PGM3: variants seen among roughly 807,000 people sequenced by gnomAD.
The protein encoded by PGM3 is phosphoglucomutase 3.
In PGM3, 40 loss-of-function variants were observed where a neutral mutation model predicts 66.2. That is an observed-to-expected ratio of 0.60 (90% CI 0.47 to 0.79). PGM3 has a LOEUF of 0.79. Among genes scored for constraint, PGM3 ranks in the 30% least tolerant of loss-of-function variants. PGM3 has a pLI of 0.00. For synonymous variants in PGM3, 191 were observed against 224.2 expected (o/e 0.85, Z 1.32); for missense variants, 537 against 643.4 (o/e 0.83, Z 1.79).
At chr6:83,170,588 A>G (rs1786886111) in intron 11 of PGM3, 110 bp from the exon 12 acceptor site, 4 of 836,020 alleles carry the variant, frequency 4.8e-6, no homozygotes, top group Non-Finnish European at 7.5e-6. Flanking sequence ...AAATTACATT[A>G]AAACTTCTTT....
the PGM3 span, chr6:83,153,718 G>A: frequency 1.0e-5 from 12 of 1,198,452 alleles, no homozygotes; most frequent in Non-Finnish European, 1.3e-5. Flanking sequence ...TCATAAAATG[G>A]CATTTTTACC....
downstream of PGM3, among the ~76,000 whole-genome samples, chr6:83,159,028 T>C (rs2128399129): frequency 6.6e-6 from 1 of 152,310 alleles, no homozygotes; most frequent in Admixed American, 6.5e-5. Flanking sequence ...TTCTTTTTAA[T>C]AGAGGCAGTT....
Position 83,172,960 on chromosome 6 carries a change from A to G in PGM3, c.1243-901T>C, listed in dbSNP as rs1274031110. Among the ~76,000 whole-genome samples, 3 of 152,330 alleles carry G rather than the reference A, an allele frequency of 2.0e-5. No homozygotes were observed. The East Asian group carries it at 5.8e-4, about 29-fold the overall frequency. On this transcript the variant is annotated intron_variant, in intron 10 of 12. Transcript: ENST00000513973. Reference sequence around the variant, plus strand: ...GACAGAGTGACACCTTTGCTTTCTGATGGTTCAGTAGACACAAACTTTGTT... The same window carrying G: ...GACAGAGTGACACCTTTGCTTTCTGGTGGTTCAGTAGACACAAACTTTGTT...
intron 9 of PGM3, among the ~76,000 whole-genome samples, chr6:83,174,832 C>G (rs527879291): frequency 1.3e-5 from 2 of 152,288 alleles, no homozygotes; most frequent in Non-Finnish European, 2.9e-5. Flanking sequence ...TTACTTAGAG[C>G]CTGTCTGTAT....
downstream of PGM3, among the ~76,000 whole-genome samples, chr6:83,163,900 G>T (rs924138467): frequency 2.0e-5 from 3 of 151,594 alleles, no homozygotes; most frequent in African/African-American, 7.3e-5. Flanking sequence ...GTAAAATATT[G>T]TCTTATATAC....
At position 83,181,913 on chromosome 6, in the gene PGM3, C is replaced by T. The variant is rs1788203766; in HGVS notation, c.610G>A (p.Glu204Lys). ...LTKQASCSGD[E>K]YRSLKVDCAN... ...CAGTCAACCTTAAGTGATCTGTATTCATCTCCACTGCAAGAAGCCTACAAA... is the reference window on the plus strand; with the variant it reads ...CAGTCAACCTTAAGTGATCTGTATTTATCTCCACTGCAAGAAGCCTACAAA... Residue 204 changes from glutamate to lysine, a missense_variant, in exon 6 of 13, where the codon GAA becomes AAA. By Grantham distance (56) the Glu-to-Lys change is moderately conservative (BLOSUM62 1). Transcript: ENST00000513973. 6.3e-7 allele frequency: 1 copy of T among 1,598,480 alleles called. No homozygotes were observed. Among genetic ancestry groups the T allele is most frequent in the Non-Finnish European group, 8.5e-7 (1 of 1,175,658 alleles).
chr6:83,170,156 A>T, intron 12 of PGM3, 149 bp downstream of exon 12: 1 of 663,502 alleles, frequency 1.5e-6, no homozygotes, highest in Non-Finnish European at 2.5e-6. Flanking sequence ...ACTGCTGGTG[A>T]AAATAATTTT....
the PGM3 span, among the ~76,000 whole-genome samples, chr6:83,154,984 T>G: frequency 6.6e-6 from 1 of 152,178 alleles, no homozygotes; most frequent in Non-Finnish European, 1.5e-5. Context: ...CAAATTTTTA[T>G]TAAAAGACAA....
chr6:83,164,852 G>A (rs999377480), downstream of PGM3: 5 of 660,134 alleles, frequency 7.6e-6, no homozygotes, highest in African/African-American at 7.4e-5. Flanking sequence ...GTGTGGACTG[G>A]TGAAGTCAAA....
At chr6:83,162,254 T>C (rs1784408287), downstream of PGM3, among the ~76,000 whole-genome samples, 1 of 152,100 alleles carries the variant, frequency 6.6e-6, no homozygotes, top group African/African-American at 2.4e-5. Flanking sequence ...GATATTACTT[T>C]TACTTACTTA....
In PGM3 at chr6:83,165,751, A is replaced by G. The variant is rs1016003736; in HGVS notation, c.*3483T>C. 8 of 239,446 alleles carry G rather than the reference A, an allele frequency of 3.3e-5. No homozygotes were observed. The highest frequency in any genetic ancestry group is 3.3e-4 in the Admixed American group (8 of 24,482). The allele number at this position is 239,446 out of a possible 1,614,324, so 14.8% of individuals were successfully genotyped here. A position where few individuals can be genotyped will look rare whatever the true frequency, so the allele number is the denominator to read the frequency against. ...AAAACTTCATAGCCCAATTAGTTCA[A>G]TTTTCGAAGCGTTGGTTGTGCAACG... On this transcript the variant is annotated 3_prime_UTR_variant, in exon 13 of 13. Coordinates refer to ENST00000513973, the MANE Select transcript of PGM3 (RefSeq NM_015599.3).
chr6:83,175,011 TATCTC>T (rs1276687049), intron 9 of PGM3, among the ~76,000 whole-genome samples: 33 of 152,340 alleles, frequency 2.2e-4, no homozygotes, highest in African/African-American at 7.7e-4. Context: ...TCAAGAGTCT[TATCTC>T]ATTTGGAAAT....
chr6:83,176,833 T>C (rs1343264462), intron 8 of PGM3, among the ~76,000 whole-genome samples: 1 of 152,220 alleles, frequency 6.6e-6, no homozygotes, highest in African/African-American at 2.4e-5. Flanking sequence ...TAGGTTATTT[T>C]ATCTGTAATA....
intron 1 of PGM3, among the ~76,000 whole-genome samples, chr6:83,192,270 AAAC>A (rs926570664): frequency 6.6e-6 from 1 of 152,240 alleles, no homozygotes; most frequent in Non-Finnish European, 1.5e-5. Context: ...GTCTCAAAAC[AAAC>A]AACAACAAAA....
At chr6:83,172,584 G>A (rs1237750478) in intron 10 of PGM3, among the ~76,000 whole-genome samples, 11 of 151,978 alleles carry the variant, frequency 7.2e-5, no homozygotes, top group African/African-American at 1.7e-4. Context: ...GCTTGAGCCC[G>A]GGAGGCAGAG....
chr6:83,193,001 C>G (rs1421159683), intron 1 of PGM3, 178 bp downstream of exon 1: 1 of 152,294 alleles, frequency 6.6e-6, no homozygotes, highest in Non-Finnish European at 1.5e-5. Flanking sequence ...TCCCGACCAG[C>G]CCGCCCGCGG....
At position 83,167,441 on chromosome 6, in the gene PGM3, G is replaced by T. The variant is rs932604135; in HGVS notation, c.*1793C>A. ...GAATTAACTAATTATAATAAAAGGG[G>T]ATATATTATGAAATGTATAAAGCAC... On this transcript the variant is annotated 3_prime_UTR_variant, in exon 13 of 13. Transcript: ENST00000513973. 5.1e-6 allele frequency: 5 copies of T among 980,712 alleles called. No individual in the cohort carries two copies. In the African/African-American group the frequency reaches 7.0e-5, roughly 14 times the overall value. 60.8% of individuals were successfully genotyped at this position (980,712 alleles called of 1,614,324 possible).
At chr6:83,154,391 A>G in the PGM3 span, 1 of 651,754 alleles carries the variant, frequency 1.5e-6, no homozygotes, top group Non-Finnish European at 2.6e-6. Context: ...AAAGCACACT[A>G]CTTTCTGTAC....
chr6:83,176,139 A>T (rs1787745144), intron 8 of PGM3, 79 bp from the exon 9 acceptor site: 3 of 787,356 alleles, frequency 3.8e-6, no homozygotes, highest in Non-Finnish European at 6.7e-6. Flanking sequence ...TCCCAGAGAT[A>T]CAAAGGGGAA....
Sources: allele counts gnomAD v4.1 joint callset (sites outside exome capture counted in the v4.1 genomes callset), GRCh38; gene constraint gnomAD v4.1.1; transcripts MANE v1.5; gene names NCBI Gene and HGNC (gene_info 2026-07-23, HGNC 2026-07-21).